TONSL: variants seen among roughly 807,000 people sequenced by gnomAD.
TONSL encodes tonsoku-like protein.
TONSL carries 112 observed loss-of-function variants against 147.1 expected under a neutral mutation model. The observed-to-expected ratio is 0.76, with a 90% confidence interval of 0.65 to 0.89. The LOEUF (loss-of-function observed/expected upper bound fraction) is 0.89, where lower values mean the gene tolerates loss of function less well. TONSL is among the 40% of genes least tolerant of loss of function. The pLI, the probability that TONSL is intolerant of heterozygous loss-of-function variation, is 0.00. For missense variants in TONSL, 1,883 were observed against 1,864.6 expected (o/e 1.01, Z -0.18); for synonymous variants, 868 against 801.5 (o/e 1.08, Z -1.40).
chr8:144,443,380 G>T, intron 3 of TONSL, 59 bp from the exon 4 acceptor site: 1 of 1,469,528 alleles, frequency 6.8e-7, no homozygotes. Flanking sequence ...AACCGGCACC[G>T]CCAGATTCCC....
chr8:144,441,849 G>C, intron 7 of TONSL, 188 bp downstream of exon 7: 1 of 571,106 alleles, frequency 1.8e-6, no homozygotes. Context: ...AGAGAAAAAA[G>C]GGGGTCTTCT....
At position 144,440,387 on chromosome 8, in the gene TONSL, G is replaced by C; in HGVS notation, c.1254C>G (p.Leu418=). 6.2e-7 allele frequency: 1 copy of C among 1,607,472 alleles called. No homozygotes were observed. The highest frequency in any genetic ancestry group is 8.5e-7 in the Non-Finnish European group (1 of 1,176,442). The change falls in exon 10 of 26, where the codon CTC becomes CTG. Residue 418 remains leucine, a synonymous_variant. Coordinates refer to ENST00000409379, the MANE Select transcript of TONSL (RefSeq NM_013432.5). ...GACGCTGGGCCTGCTGGGCACAGCT[G>C]AGCGCTTTCTGGAAGCACGGGGCCA... is the stretch of plus-strand genomic sequence containing the variant. ...ELLAPCFQKA[L]SCAQQAQRPQ...
At chr8:144,432,199 C>G in intron 23 of TONSL, 86 bp downstream of exon 23, 1 of 1,442,880 alleles carries the variant, frequency 6.9e-7, no homozygotes, top group East Asian at 2.3e-5. Flanking sequence ...CAGCCCGAAT[C>G]TGGGGAGAGG....
chr8:144,433,587 C>T lies in TONSL; in HGVS notation c.3559+1G>A. ...GGACAGGGAGTGCCTGGTCAGCTCACCTTGGAAAGCACTACCCAGTGCTGT... is the reference window on the plus strand; with the variant it reads ...GGACAGGGAGTGCCTGGTCAGCTCATCTTGGAAAGCACTACCCAGTGCTGT... On this transcript the variant is annotated splice_donor_variant, in intron 22 of 25. Transcript: ENST00000409379. LOFTEE classifies it high-confidence loss of function. 1 of 1,613,204 alleles carries T rather than the reference C, an allele frequency of 6.2e-7. No individual in the cohort carries two copies. Among genetic ancestry groups the T allele is most frequent in the Non-Finnish European group, 8.5e-7 (1 of 1,179,834 alleles).
intron 7 of TONSL, 148 bp downstream of exon 7, chr8:144,441,889 C>G: frequency 1.6e-6 from 1 of 629,668 alleles, no homozygotes. Flanking sequence ...ACCTGCCCCT[C>G]TTGCTGAAGC....
At position 144,436,161 on chromosome 8, in the gene TONSL, T is replaced by C. The variant is rs761641785; in HGVS notation, c.2272A>G (p.Lys758Glu). The stretch of plus-strand genomic sequence containing the variant: ...GCTGTGGCCGAGCACCGAGGCCTCT[T>C]CTGGGACGGCCGTGCGGGGCCTGCG... ...DSAGPARPSQ[K>E]RPRCSATAQR... Residue 758 changes from lysine (K) to glutamate (E), a missense_variant, in exon 17 of 26, where the codon AAG (lysine) becomes GAG (glutamate). By Grantham distance (56) the Lys-to-Glu change is moderately conservative. Transcript: ENST00000409379. The C allele has an allele frequency of 2.7e-5, 43 of 1,574,558 alleles. No homozygotes were observed. Among genetic ancestry groups the C allele is most frequent in the Non-Finnish European group, 3.4e-5 (40 of 1,166,884 alleles).
At position 144,433,663 on chromosome 8, in the gene TONSL, G is replaced by GCA; in HGVS notation, c.3483_3484insTG (p.Leu1162CysfsTer15). 6.2e-7 allele frequency: 1 copy of GCA among 1,613,226 alleles called. No homozygotes were observed. Among genetic ancestry groups the GCA allele is most frequent in the South Asian group, 1.1e-5 (1 of 91,070 alleles). On this transcript the variant is annotated frameshift_variant, in exon 22 of 26. Coordinates refer to ENST00000409379, the MANE Select transcript of TONSL (RefSeq NM_013432.5). LOFTEE classifies it high-confidence loss of function. ...CCGAAGCCACACGCCTGCAGGCGCA[G>GCA]GGTGCTGAGTAAGGGGCAGGCGTGC... is the stretch of plus-strand genomic sequence containing the variant.
At position 144,429,471 on chromosome 8, in the gene TONSL, C is replaced by T. The variant is rs539133795; in HGVS notation, c.3944-135G>A. ...TAGCGAGGGGCAGTGGGCAGAGCTCCGGAGAGGCCCCATGACTCTCCAGGA... is the reference window on the plus strand; with the variant it reads ...TAGCGAGGGGCAGTGGGCAGAGCTCTGGAGAGGCCCCATGACTCTCCAGGA... On this transcript the variant is annotated intron_variant, in intron 25 of 25. Coordinates refer to ENST00000409379, the MANE Select transcript of TONSL (RefSeq NM_013432.5). 171 of 756,930 alleles carry T rather than the reference C, an allele frequency of 2.3e-4. 2 individuals are homozygous for T. The East Asian group carries it at 5.7e-3, about 25-fold the overall frequency. 46.9% of individuals were successfully genotyped at this position (756,930 alleles called of 1,614,324 possible).
intron 23 of TONSL, 56 bp downstream of exon 23, chr8:144,432,229 C>A: frequency 6.3e-7 from 1 of 1,588,538 alleles, no homozygotes; most frequent in Admixed American, 1.7e-5. Flanking sequence ...CCCAGCAACC[C>A]TGGGACCTTT....
rs1173081512 is a variant in TONSL, at chr8:144,442,331, C to T, written c.660G>A (p.Gln220=). ...GGGCACCCTCCAAGCAGCGCATAGCCTGGGAGTGCTGGCCCGCGCGCCAGT... is the reference window on the plus strand; with the variant it reads ...GGGCACCCTCCAAGCAGCGCATAGCTTGGGAGTGCTGGCCCGCGCGCCAGT... The part of the protein sequence containing the change: ...TIHWRAGQHS[Q]AMRCLEGARE... Residue 220 remains glutamine (Q), a synonymous_variant, in exon 6 of 26, where the codon CAG becomes CAA. Coordinates refer to ENST00000409379, the MANE Select transcript of TONSL (RefSeq NM_013432.5). The T allele has an allele frequency of 1.3e-6, 2 of 1,596,110 alleles. No individual in the cohort carries two copies. The highest frequency in any genetic ancestry group is 1.7e-6 in the Non-Finnish European group (2 of 1,167,828).
At chr8:144,430,719 G>A (rs1823153006) in intron 24 of TONSL, among the ~76,000 whole-genome samples, 182 bp from the exon 25 acceptor site, 1 of 152,204 alleles carries the variant, frequency 6.6e-6, no homozygotes, top group Admixed American at 6.5e-5. Flanking sequence ...AGGGGTCAGG[G>A]CCACAGTGGC....
chr8:144,436,844 G>C lies in TONSL; in HGVS notation c.1803C>G (p.Pro601=), dbSNP rs774422849. The change falls in exon 15 of 26, where the codon CCC becomes CCG. Residue 601 remains proline (P), a synonymous_variant. Coordinates refer to ENST00000409379, the MANE Select transcript of TONSL (RefSeq NM_013432.5). Reference sequence around the variant, plus strand: ...GGCCACAGTTGAGGGCATCGTGGAGGGGGGTGATGCCTTCGCAGCCCTGGC... The same window carrying C: ...GGCCACAGTTGAGGGCATCGTGGAGCGGGGTGATGCCTTCGCAGCCCTGGC... ...PGGQGCEGIT[P]LHDALNCGHF... is the part of the protein sequence containing the mutation. 1.2e-6 allele frequency: 2 copies of C among 1,610,756 alleles called. No individual in the cohort carries two copies. The highest frequency in any genetic ancestry group is 1.7e-6 in the Non-Finnish European group (2 of 1,179,938).
rs1198925453 is a variant in TONSL at position 144,433,964 on chromosome 8, C to G, written c.3387+14G>C. ...TCCCCGCTGTTGAGGGCCTGCTGCT[C>G]TCTGTGCCTATACCTGCAAGGTGGC... On this transcript the variant is annotated intron_variant, in intron 21 of 25. Coordinates refer to ENST00000409379, the MANE Select transcript of TONSL (RefSeq NM_013432.5). 1.3e-6 allele frequency: 2 copies of G among 1,560,214 alleles called. No individual in the cohort carries two copies. The highest frequency in any genetic ancestry group is 1.7e-6 in the Non-Finnish European group (2 of 1,150,192).
In TONSL at chr8:144,428,935, T is replaced by G. The variant is rs1456597393; in HGVS notation, c.*208A>C. ...CTCCGGAGTAGCTGGGACTACAGGC[T>G]TCCACCACCACGCCCGGCTAATTTT... On this transcript the variant is annotated 3_prime_UTR_variant, in exon 26 of 26. Coordinates refer to ENST00000409379, the MANE Select transcript of TONSL (RefSeq NM_013432.5). 4.0e-5 allele frequency: 21 copies of G among 521,656 alleles called. No individual in the cohort carries two copies. The highest frequency in any genetic ancestry group is 1.5e-4 in the East Asian group (4 of 26,978). The allele number at this position is 521,656 out of a possible 1,614,324, so 32.3% of individuals were successfully genotyped here.
In TONSL at chr8:144,440,183, C is replaced by T. The variant is rs138999030; in HGVS notation, c.1318G>A (p.Val440Met). Residue 440 changes from valine to methionine, a missense_variant, in exon 11 of 26, where the codon GTG becomes ATG. By Grantham distance (21) the Val-to-Met change is conservative (BLOSUM62 1). Coordinates refer to ENST00000409379, the MANE Select transcript of TONSL (RefSeq NM_013432.5). ...TCCTGGGGCTGCAGCCTCAGCTGCA[C>T]GGTATGGAGATGCTGCAAGACCTGC... ...QRQVLQHLHT[V>M]QLRLQPQEAP... 272 of 1,608,248 alleles carry T rather than the reference C, an allele frequency of 1.7e-4. No homozygotes were observed. Among genetic ancestry groups the T allele is most frequent in the Admixed American group, 5.5e-4 (32 of 58,606 alleles).
intron 3 of TONSL, 107 bp from the exon 4 acceptor site, chr8:144,443,428 C>T: frequency 8.6e-7 from 1 of 1,165,506 alleles, no homozygotes; most frequent in East Asian, 2.6e-5. Context: ...GCCTGCTCCC[C>T]CTAACCCCCA....
In TONSL at chr8:144,435,713, C is replaced by T; in HGVS notation, c.2720G>A (p.Ser907Asn). 1 of 1,611,920 alleles carries T rather than the reference C, an allele frequency of 6.2e-7. No homozygotes were observed. Among genetic ancestry groups the T allele is most frequent in the Non-Finnish European group, 8.5e-7 (1 of 1,179,216 alleles). ...ACTGGGCTCTGAGACCCTGGGGGTG[C>T]TGGGGCTCCCTGGAGGTTCTGAAGC... ...SLASEPPGSP[S>N]TPRVSEPSGD... The change falls in exon 17 of 26, where the codon AGC (serine) becomes AAC (asparagine). Residue 907 changes from serine to asparagine, a missense_variant. By Grantham distance (46) the Ser-to-Asn change is conservative (BLOSUM62 1). Coordinates refer to ENST00000409379, the MANE Select transcript of TONSL (RefSeq NM_013432.5).
intron 6 of TONSL, 43 bp downstream of exon 6, chr8:144,442,198 G>A (rs200220424): frequency 1.4e-5 from 23 of 1,592,550 alleles, no homozygotes; most frequent in Non-Finnish European, 1.9e-5. Flanking sequence ...CCCAAGGCCC[G>A]AATCTACGAG....
chr8:144,440,275 G>C, intron 10 of TONSL, 65 bp from the exon 11 acceptor site: 1 of 1,556,548 alleles, frequency 6.4e-7, no homozygotes, highest in South Asian at 1.2e-5. Flanking sequence ...GATGGGGATG[G>C]GGCACAAGGG....
Sources: gnomAD v4.1 joint callset for allele counts (sites outside exome capture counted in the v4.1 genomes callset) on GRCh38, gnomAD v4.1.1 for gene constraint, MANE v1.5 for transcripts, NCBI Gene and HGNC (gene_info 2026-07-23, HGNC 2026-07-21) for gene names.